MIA3: variants seen among roughly 807,000 people sequenced by gnomAD.
MIA3 encodes the protein MIA SH3 domain ER export factor 3.
In MIA3, 90 loss-of-function variants were observed where a neutral mutation model predicts 192.4. The ratio of observed to expected loss-of-function variants is 0.47; its 90% CI spans 0.39 to 0.56. MIA3 has a LOEUF of 0.56. Ranked by LOEUF, MIA3 falls within the 20% of genes least tolerant of loss-of-function variation. The probability of loss-of-function intolerance (pLI) is 0.00; values close to 1 mark genes in which losing one functional copy is unlikely to be tolerated. For synonymous variants in MIA3, 740 were observed against 792.8 expected, an observed-to-expected ratio of 0.93 and a Z score of 1.12; for missense variants, 2,123 against 2,269.4, an observed-to-expected ratio of 0.94 and a Z score of 1.31.
Position 222,628,093 on chromosome 1 carries a change from G to C in MIA3, c.873G>C (p.Glu291Asp). Residue 291 changes from glutamate (E) to aspartate (D), a missense_variant, in exon 4 of 28, where the codon GAG (glutamate) becomes GAC (aspartate). This residue lies in a region of MIA3 where 1,357 missense variants were observed against 1,396.1 expected (regional missense o/e 0.97). Transcript: ENST00000344922. The part of the protein sequence containing the change: ...STADALVSDD[E>D]TTRLVTSLED... ...CTGATGCACTTGTATCTGATGATGA[G>C]ACAACCAGACTCGTTACTTCATTAG... 1 of 1,614,054 alleles carries C rather than the reference G, an allele frequency of 6.2e-7. No individual in the cohort carries two copies. The highest frequency in any genetic ancestry group is 2.2e-5 in the East Asian group (1 of 44,874).
intron 11 of MIA3, among the ~76,000 whole-genome samples, chr1:222,651,211 G>GC (rs1388739341): frequency 1.4e-5 from 2 of 140,166 alleles, no homozygotes; most frequent in African/African-American, 5.2e-5. Context: ...GTTTTGCAAA[G>GC]TTTTTTTTTT....
intron 6 of MIA3, among the ~76,000 whole-genome samples, chr1:222,638,629 C>T (rs536216504): frequency 5.3e-5 from 8 of 151,530 alleles, no homozygotes; most frequent in Admixed American, 1.3e-4. Flanking sequence ...CCCAGGAGGT[C>T]GAGGCTGCAG....
intron 18 of MIA3, 174 bp from the exon 19 acceptor site, chr1:222,658,548 A>T (rs1663848290): frequency 4.2e-6 from 2 of 481,306 alleles, no homozygotes; most frequent in Non-Finnish European, 7.7e-6. Context: ...GTGATGTATC[A>T]ACAGGCCACA....
intron 4 of MIA3, 115 bp from the exon 5 acceptor site, chr1:222,632,050 A>G (rs779484715): frequency 2.4e-5 from 19 of 800,050 alleles, no homozygotes; most frequent in Non-Finnish European, 3.6e-5. Context: ...GTTGTGCTCC[A>G]TGGGATGCCC....
Position 222,665,416 on chromosome 1 carries a change from C to T in MIA3, c.5521C>T (p.Pro1841Ser). The T allele has an allele frequency of 1.2e-6, 2 of 1,613,990 alleles. No individual in the cohort carries two copies. Among genetic ancestry groups the T allele is most frequent in the South Asian group, 2.2e-5 (2 of 91,078 alleles). ...HPRGFLPGHAPFRPLGSLGPR... is the reference protein window; with the variant it reads ...HPRGFLPGHASFRPLGSLGPR... ...TCGGGGATTTTTACCTGGACACGCA[C>T]CATTTAGACCTTTAGGTTCACTTGG... is the stretch of plus-strand genomic sequence containing the variant. Residue 1841 changes from proline to serine, a missense_variant, in exon 28 of 28, where the codon CCA becomes TCA. Pro to Ser is a moderately conservative substitution (Grantham distance 74). This residue lies in a region of MIA3 where 762 missense variants were observed against 856.4 expected (regional missense o/e 0.89). Coordinates refer to ENST00000344922, the MANE Select transcript of MIA3 (RefSeq NM_198551.4).
At chr1:222,658,641 A>G in intron 18 of MIA3, 81 bp from the exon 19 acceptor site, 2 of 905,492 alleles carry the variant, frequency 2.2e-6, no homozygotes, top group Non-Finnish European at 3.4e-6. Context: ...TAGGATAGGA[A>G]GTGAGATTTT....
chr1:222,662,452 A>G, intron 26 of MIA3, 120 bp downstream of exon 26: 1 of 1,550,348 alleles, frequency 6.5e-7, no homozygotes, highest in Non-Finnish European at 8.7e-7. Context: ...TTATTTTTTA[A>G]AAAAGCAAAC....
intron 4 of MIA3, among the ~76,000 whole-genome samples, chr1:222,631,881 A>G (rs1352875585): frequency 6.6e-6 from 1 of 152,140 alleles, no homozygotes; most frequent in Non-Finnish European, 1.5e-5. Context: ...TTGCACATTT[A>G]TTTGTGTGGG....
chr1:222,667,653 G>C lies in MIA3; in HGVS notation c.*2034G>C, dbSNP rs1157487018. On this transcript the variant is annotated 3_prime_UTR_variant, in exon 28 of 28. Transcript: ENST00000344922. The stretch of plus-strand genomic sequence containing the variant: ...ACTGCTTCCTCACATCCATCTGATT[G>C]CACCATTTCTGCAGCAAACCCCAAA... The C allele has an allele frequency of 1.3e-5, 2 of 152,130 alleles. No homozygotes were observed. The highest frequency in any genetic ancestry group is 4.8e-5 in the African/African-American group (2 of 41,418). 9.4% of individuals were successfully genotyped at this position (152,130 alleles called of 1,614,324 possible). A position where few individuals can be genotyped will look rare whatever the true frequency, so the allele number is the denominator to read the frequency against.
chr1:222,654,831 T>C, intron 18 of MIA3, 38 bp downstream of exon 18: 1 of 1,566,124 alleles, frequency 6.4e-7, no homozygotes, highest in Non-Finnish European at 8.8e-7. Flanking sequence ...TGTATTGTCA[T>C]GTCAGTAAAT....
intron 6 of MIA3, among the ~76,000 whole-genome samples, 172 bp downstream of exon 6, chr1:222,633,421 C>T (rs1350982540): frequency 2.0e-5 from 3 of 152,148 alleles, no homozygotes; most frequent in African/African-American, 7.2e-5. Context: ...GCTCTTAGTT[C>T]AGCACATGAG....
chr1:222,665,086 C>G (rs1664210750), intron 27 of MIA3: 1 of 534,962 alleles, frequency 1.9e-6, no homozygotes, highest in Non-Finnish European at 3.3e-6. Flanking sequence ...GTAGTCCCAG[C>G]TACTGGGGAG....
rs1406150794 is a variant in MIA3 at position 222,632,268 on chromosome 1, G to C, written c.3273G>C (p.Gly1091=). ...CCCACTTGGACCAACGTGTGATTGG[G>C]GACACTCATGCCTCAGAAGTGTCAC... ...EPTHLDQRVI[G]DTHASEVSQK... The change falls in exon 5 of 28, where the codon GGG becomes GGC. Residue 1091 remains glycine, a synonymous_variant. Coordinates refer to ENST00000344922, the MANE Select transcript of MIA3 (RefSeq NM_198551.4). The C allele has an allele frequency of 5.0e-6, 8 of 1,613,958 alleles. No individual in the cohort carries two copies. The highest frequency in any genetic ancestry group is 5.9e-6 in the Non-Finnish European group (7 of 1,179,976).
At chr1:222,619,638 A>G (rs1661770036) in intron 1 of MIA3, among the ~76,000 whole-genome samples, 1 of 152,226 alleles carries the variant, frequency 6.6e-6, no homozygotes, top group Non-Finnish European at 1.5e-5. Flanking sequence ...GATAGTTGGT[A>G]TTCTTTGCTT....
Position 222,632,147 on chromosome 1 carries a change from G to A in MIA3, c.3170-18G>A, listed in dbSNP as rs772610046. 2 of 1,612,374 alleles carry A rather than the reference G, an allele frequency of 1.2e-6. No individual in the cohort carries two copies. ...TGTCATCAAGCTGTGCTAGCCCAGT[G>A]TATTCTTCTCACCCTAGAGATGCAA... On this transcript the variant is annotated intron_variant, in intron 4 of 27. Coordinates refer to ENST00000344922, the MANE Select transcript of MIA3 (RefSeq NM_198551.4).
intron 19 of MIA3, chr1:222,659,227 A>C (rs1010841469): frequency 3.7e-6 from 2 of 537,216 alleles, no homozygotes; most frequent in Admixed American, 3.7e-5. Context: ...GGAACAGTTA[A>C]AGGAATTGTA....
chr1:222,657,558 A>G lies in MIA3; in HGVS notation c.4608-1164A>G, dbSNP rs142849102. Among the ~76,000 whole-genome samples, 362 of 152,158 alleles carry G rather than the reference A, an allele frequency of 2.4e-3. 1 individual carries two copies. Among genetic ancestry groups the G allele is most frequent in the African/African-American group, 8.1e-3 (335 of 41,502 alleles). On this transcript the variant is annotated intron_variant, in intron 18 of 27. Transcript: ENST00000344922. ...GCACATTCTTTCTATTTTTGTCCAT[A>G]TGTTCTTATTTTCAGTGTTTGCAGA...
Position 222,666,812 on chromosome 1 carries a change from T to C in MIA3, c.*1193T>C, listed in dbSNP as rs907181167. ...TGGAATTGCACCATACTTAAAGTCT[T>C]ATCCATTACTACACTGTCTTTAAAA... On this transcript the variant is annotated 3_prime_UTR_variant, in exon 28 of 28. Coordinates refer to ENST00000344922, the MANE Select transcript of MIA3 (RefSeq NM_198551.4). The C allele has an allele frequency of 6.6e-6, 1 of 152,182 alleles. No individual in the cohort carries two copies. The highest frequency in any genetic ancestry group is 2.4e-5 in the African/African-American group (1 of 41,450). 9.4% of individuals were successfully genotyped at this position (152,182 alleles called of 1,614,324 possible).
Position 222,628,952 on chromosome 1 carries a change from G to A in MIA3, c.1732G>A (p.Gly578Ser). The A allele has an allele frequency of 1.9e-6, 3 of 1,614,156 alleles. No homozygotes were observed. The South Asian group carries it at 3.3e-5, about 18-fold the overall frequency. ...CAGAAAGATTCAACAGGAATCCCTG[G>A]GTAGTGCACCACTCATGGGAGATGA... ...NDRKIQQESL[G>S]SAPLMGDDHP... Residue 578 changes from glycine to serine, a missense_variant, in exon 4 of 28, where the codon GGT (glycine) becomes AGT (serine). Gly to Ser is a moderately conservative substitution (Grantham distance 56). This residue lies in a region of MIA3 where 1,357 missense variants were observed against 1,396.1 expected (regional missense o/e 0.97). Coordinates refer to ENST00000344922, the MANE Select transcript of MIA3 (RefSeq NM_198551.4).
Sources: gnomAD v4.1 joint callset for allele counts (sites outside exome capture counted in the v4.1 genomes callset) on GRCh38, gnomAD v4.1.1 for gene constraint, gnomAD v4.1.1 regional missense constraint, MANE v1.5 for transcripts, NCBI Gene and HGNC (gene_info 2026-07-23, HGNC 2026-07-21) for gene names.